The following ZNF808 variants were observed in gnomAD, a reference collection of about 807,000 sequenced individuals.
ZNF808 encodes zinc finger protein 808.
ZNF808 carries 5 observed loss-of-function variants against 8.7 expected under a neutral mutation model. The ratio of observed to expected loss-of-function variants is 0.58; its 90% CI spans 0.30 to 1.21. ZNF808 has a LOEUF of 1.21. Ranked by LOEUF, ZNF808 falls within the 50% of genes most tolerant of loss-of-function variation. ZNF808 has a pLI of 0.07. For missense variants in ZNF808, 1,103 were observed against 1,098.4 expected (o/e 1.00, Z -0.06); for synonymous variants, 380 against 366.0 (o/e 1.04, Z -0.44).
Position 52,556,220 on chromosome 19 carries a change from A to G in ZNF808, c.*592A>G, listed in dbSNP as rs1449310485. ...CAGGCCTGTAATCCCAGCACGTTGG[A>G]AGACCAAGGCACATAGGTCACTTGA... On this transcript the variant is annotated 3_prime_UTR_variant, in exon 5 of 5. Coordinates refer to ENST00000359798, the MANE Select transcript of ZNF808 (RefSeq NM_001039886.4). The G allele has an allele frequency of 3.3e-5, 8 of 239,568 alleles. No homozygotes were observed. The highest frequency in any genetic ancestry group is 5.0e-5 in the South Asian group (1 of 20,106). 14.8% of individuals were successfully genotyped at this position (239,568 alleles called of 1,614,324 possible). A position where few individuals can be genotyped will look rare whatever the true frequency, so the allele number is the denominator to read the frequency against.
chr19:52,535,148 G>A (rs1341846685), intron 2 of ZNF808, among the ~76,000 whole-genome samples: 1 of 151,420 alleles, frequency 6.6e-6, no homozygotes, highest in Non-Finnish European at 1.5e-5. Flanking sequence ...TGGCTAACAT[G>A]GTGAAACCCC....
At chr19:52,563,388 C>T (rs1312051253) in exon 4 of ZNF808, 1 of 148,272 alleles carries the variant, frequency 6.7e-6, no homozygotes, top group Non-Finnish European at 1.5e-5. Context: ...CAAAAATTAG[C>T]TGGGAATGAT....
intron 2 of ZNF808, among the ~76,000 whole-genome samples, chr19:52,536,743 C>T (rs1158288833): frequency 7.2e-5 from 11 of 151,902 alleles, no homozygotes; most frequent in African/African-American, 2.4e-4. Flanking sequence ...GGGAGGACAC[C>T]GGGGGATCTG....
In ZNF808 at chr19:52,553,543, G is replaced by A. The variant is rs1294672426; in HGVS notation, c.627G>A (p.Gly209=). ...AAATCCATATTTCTAATAACTATGG[G>A]AATAATCCCCTGAATTCTTCATTAC... ...RPQIHISNNY[G]NNPLNSSLLP... The change falls in exon 5 of 5, where the codon GGG becomes GGA. Residue 209 remains glycine, a synonymous_variant. Transcript: ENST00000359798. The A allele has an allele frequency of 6.2e-7, 1 of 1,614,120 alleles. No homozygotes were observed. The highest frequency in any genetic ancestry group is 1.7e-5 in the Admixed American group (1 of 59,992).
At chr19:52,535,345 AAAAAAAAAAAG>A (rs1476627460) in intron 2 of ZNF808, among the ~76,000 whole-genome samples, 5 of 151,424 alleles carry the variant, frequency 3.3e-5, no homozygotes, top group African/African-American at 9.7e-5. Flanking sequence ...AAAAAAAAAA[AAAAAAAAAAAG>A]AGAGAAAAGG....
At chr19:52,565,319 C>T (rs1417349059), downstream of ZNF808, among the ~76,000 whole-genome samples, 1 of 152,096 alleles carries the variant, frequency 6.6e-6, no homozygotes, top group Non-Finnish European at 1.5e-5. Flanking sequence ...AGCATTATGT[C>T]TGTCACAATA....
chr19:52,530,681 A>G (rs2059554122), intron 1 of ZNF808, among the ~76,000 whole-genome samples: 1 of 151,644 alleles, frequency 6.6e-6, no homozygotes, highest in Non-Finnish European at 1.5e-5. Context: ...AAAGAGAGAA[A>G]GAAAAAGTAA....
At chr19:52,541,420 C>G (rs1295300494) in intron 2 of ZNF808, among the ~76,000 whole-genome samples, 1 of 151,900 alleles carries the variant, frequency 6.6e-6, no homozygotes, top group East Asian at 1.9e-4. Context: ...GCCTATTGGC[C>G]CTTTCAGGCA....
At position 52,553,416 on chromosome 19, in the gene ZNF808, T is replaced by G. The variant is rs1234037967; in HGVS notation, c.500T>G (p.Leu167Arg). ...GSSFYSHLPE[L>R]HIFQIKGEIA... ...AGCTTTTATTCACATCTGCCTGAACTCCACATATTTCAGATCAAAGGTGAA... is the reference window on the plus strand; with the variant it reads ...AGCTTTTATTCACATCTGCCTGAACGCCACATATTTCAGATCAAAGGTGAA... The change falls in exon 5 of 5, where the codon CTC becomes CGC. Residue 167 changes from leucine to arginine, a missense_variant. Leu to Arg is a moderately radical substitution (Grantham distance 102, BLOSUM62 -2). Transcript: ENST00000359798. 6.2e-7 allele frequency: 1 copy of G among 1,614,060 alleles called. No individual in the cohort carries two copies. Among genetic ancestry groups the G allele is most frequent in the Admixed American group, 1.7e-5 (1 of 59,998 alleles).
chr19:52,540,432 G>A (rs8110537), intron 2 of ZNF808, among the ~76,000 whole-genome samples: 6,261 of 152,072 alleles, frequency 0.041, 393 homozygotes, highest in African/African-American at 0.14. Flanking sequence ...AGTTTACATT[G>A]AGGTCTGTGT....
Position 52,543,210 on chromosome 19 carries a change from C to T in ZNF808, c.-19-56C>T. 6 of 1,572,584 alleles carry T rather than the reference C, an allele frequency of 3.8e-6. No individual in the cohort carries two copies. In the Admixed American group the frequency reaches 1.1e-4, roughly 28 times the overall value. On this transcript the variant is annotated intron_variant, in intron 2 of 4. Transcript: ENST00000359798. ...CATCTCCCGGTTCATGTGGTTTTGT[C>T]ACAGGAAGGGAGTGAGTCATTTCTA...
At chr19:52,544,250 C>A (rs1307202762) in intron 3 of ZNF808, among the ~76,000 whole-genome samples, 2 of 152,124 alleles carry the variant, frequency 1.3e-5, no homozygotes, top group Non-Finnish European at 2.9e-5. Context: ...GCCTCAAACT[C>A]CTGAGCTCAA....
downstream of ZNF808, among the ~76,000 whole-genome samples, chr19:52,566,957 G>GT (rs58981436): frequency 0.048 from 6,972 of 145,620 alleles, 177 homozygotes; most frequent in Middle Eastern, 0.14. Context: ...AAGGATAGGT[G>GT]TTTTTTTTTT....
chr19:52,537,654 C>G (rs1443232984), intron 2 of ZNF808, among the ~76,000 whole-genome samples: 1 of 149,964 alleles, frequency 6.7e-6, no homozygotes, highest in Non-Finnish European at 1.5e-5. Flanking sequence ...TGCCACTGTA[C>G]TCCAGCCTGG....
intron 1 of ZNF808, 145 bp downstream of exon 1, chr19:52,527,856 C>G (rs1464887187): frequency 6.6e-6 from 1 of 152,604 alleles, no homozygotes; most frequent in African/African-American, 2.4e-5. Context: ...AGTGAGAGGC[C>G]GGGTGTCGCT....
At chr19:52,528,015 C>T (rs543598260) in intron 1 of ZNF808, 2 of 152,856 alleles carry the variant, frequency 1.3e-5, no homozygotes, top group Admixed American at 6.5e-5. Context: ...TCTTCACCCA[C>T]GAGGTGGATT....
At chr19:52,564,306 C>T in exon 4 of ZNF808, 1 of 647,104 alleles carries the variant, frequency 1.5e-6, no homozygotes, top group Non-Finnish European at 2.7e-6. Flanking sequence ...CTGAAAATGT[C>T]ACTACCATCT....
At chr19:52,552,967 C>T in intron 4 of ZNF808, 140 bp from the exon 5 acceptor site, 7 of 1,258,106 alleles carry the variant, frequency 5.6e-6, no homozygotes, top group South Asian at 4.2e-5. Context: ...AAGAATCTCA[C>T]TCTTTTTGTG....
rs8101780 is a variant in ZNF808, at chr19:52,553,591, C to T, written c.675C>T (p.His225=). ...TACTCCCACAAAAACAGGAAGTACA[C>T]ATGAGAGAAAAATCTTTCCCATGTA... The part of the protein sequence containing the change: ...SSLLPQKQEV[H]MREKSFPCNE... The change falls in exon 5 of 5, where the codon CAC becomes CAT. Residue 225 remains histidine (H), a synonymous_variant. Transcript: ENST00000359798. 1,962 of 1,614,160 alleles carry T rather than the reference C, an allele frequency of 1.2e-3. 21 individuals carry two copies. The African/African-American group carries it at 0.022, about 18-fold the overall frequency.
Sources: gnomAD v4.1 joint callset for allele counts (sites outside exome capture counted in the v4.1 genomes callset) on GRCh38, gnomAD v4.1.1 for gene constraint, MANE v1.5 for transcripts, NCBI Gene and HGNC (gene_info 2026-07-23, HGNC 2026-07-21) for gene names.